The following CCDC141 variants were observed in gnomAD, a reference collection of about 807,000 sequenced individuals.
CCDC141 encodes the protein coiled-coil domain containing 141.
Under a neutral mutation model 181.0 loss-of-function variants are expected in CCDC141, and 168 were observed. The observed-to-expected ratio is 0.93, with a 90% CI of 0.82 to 1.05. The LOEUF is 1.05. Ranked by LOEUF, CCDC141 falls within the 50% of genes least tolerant of loss-of-function variation. CCDC141 has a pLI of 0.00. For synonymous variants in CCDC141, 666 were observed against 642.3 expected (o/e 1.04, Z -0.56); for missense variants, 1,902 against 1,788.5 (o/e 1.06, Z -1.14).
Position 179,050,126 on chromosome 2 carries a change from A to T in CCDC141, c.-185T>A. On this transcript the variant is annotated 5_prime_UTR_variant, in exon 1 of 24. Transcript: ENST00000443758. ...ACAACCCCATTGAGTTTATCGTGAG[A>T]GAGAAAGGAGCGAACGAGAGAGAAT... 1 of 843,682 alleles carries T rather than the reference A, an allele frequency of 1.2e-6. No homozygotes were observed. Among genetic ancestry groups the T allele is most frequent in the Non-Finnish European group, 1.7e-6 (1 of 582,074 alleles). The allele number at this position is 843,682 out of a possible 1,614,324, so 52.3% of individuals were successfully genotyped here.
At chr2:178,936,018 T>C (rs1249631557) in intron 6 of CCDC141, among the ~76,000 whole-genome samples, 4 of 152,150 alleles carry the variant, frequency 2.6e-5, no homozygotes, top group Non-Finnish European at 5.9e-5. Flanking sequence ...ATGCATAGTT[T>C]ATAAATATTT....
Position 178,888,645 on chromosome 2 carries a change from TC to T in CCDC141, c.1288del (p.Glu430ArgfsTer2), listed in dbSNP as rs1558957254. ...TCGTCTCTTAATGCACCCCATCATC[TC>T]ATGGATGCCGGACACCTGAGAGCTG... is the stretch of plus-strand genomic sequence containing the variant. ...SCSSQVSGIHEMMGCIKRRVD... is the reference protein window; with the variant it reads ...SCSSQVSGIHXMMGCIKRRVD... On this transcript the variant is annotated frameshift_variant, in exon 9 of 24. Transcript: ENST00000443758. LOFTEE classifies it high-confidence loss of function. 2 of 1,550,736 alleles carry T rather than the reference TC, an allele frequency of 1.3e-6. No individual in the cohort carries two copies. The highest frequency in any genetic ancestry group is 2.4e-5 in the South Asian group (2 of 84,050).
At chr2:179,035,105 G>A (rs1368146381) in intron 2 of CCDC141, among the ~76,000 whole-genome samples, 1 of 117,030 alleles carries the variant, frequency 8.5e-6, no homozygotes, top group Non-Finnish European at 1.9e-5. Flanking sequence ...AGATCTCTGT[G>A]TGCTGAATTA....
intron 12 of CCDC141, chr2:178,875,150 A>C (rs1471303765): frequency 6.6e-6 from 1 of 152,184 alleles, no homozygotes; most frequent in Non-Finnish European, 1.5e-5. Context: ...AGAAGAAAAC[A>C]CCATCTGCTG....
At chr2:179,022,839 G>A (rs2042726233) in intron 2 of CCDC141, among the ~76,000 whole-genome samples, 1 of 152,144 alleles carries the variant, frequency 6.6e-6, no homozygotes, top group Non-Finnish European at 1.5e-5. Context: ...AGCTAGCCAG[G>A]TGGAGCAGAG....
At chr2:178,940,686 T>G (rs565097343) in intron 6 of CCDC141, among the ~76,000 whole-genome samples, 4 of 152,320 alleles carry the variant, frequency 2.6e-5, no homozygotes, top group South Asian at 4.1e-4. Context: ...AAAGGATGCT[T>G]CTTCTTCACA....
At chr2:178,825,664 A>T (rs1684112372), downstream of CCDC141, among the ~76,000 whole-genome samples, 2 of 122,472 alleles carry the variant, frequency 1.6e-5, no homozygotes, top group African/African-American at 6.3e-5. Flanking sequence ...AAGAAAAAGC[A>T]AGTGTGACAT....
At chr2:179,018,534 G>T (rs1412597202) in intron 2 of CCDC141, among the ~76,000 whole-genome samples, 1 of 152,104 alleles carries the variant, frequency 6.6e-6, no homozygotes, top group African/African-American at 2.4e-5. Flanking sequence ...TTTTCTGAAG[G>T]ATTTTAGCTA....
chr2:178,853,414 C>G (rs779126960), intron 20 of CCDC141, 27 bp downstream of exon 20: 1 of 1,606,340 alleles, frequency 6.2e-7, no homozygotes, highest in Non-Finnish European at 8.5e-7. Context: ...AATGGCCAAT[C>G]ACTGGATATC....
chr2:178,838,179 A>G (rs753922336), intron 22 of CCDC141, among the ~76,000 whole-genome samples: 6 of 151,952 alleles, frequency 3.9e-5, no homozygotes, highest in Non-Finnish European at 8.8e-5. Flanking sequence ...GATTCCTTGG[A>G]CTCTCCCGGA....
intron 22 of CCDC141, among the ~76,000 whole-genome samples, chr2:178,844,895 A>G (rs1684871042): frequency 6.6e-6 from 1 of 152,222 alleles, no homozygotes; most frequent in Admixed American, 6.5e-5. Context: ...GGCAAAGCAA[A>G]AAGTCAAAAG....
At chr2:178,962,230 G>A (rs1414425659) in intron 4 of CCDC141, among the ~76,000 whole-genome samples, 1 of 152,128 alleles carries the variant, frequency 6.6e-6, no homozygotes, top group Non-Finnish European at 1.5e-5. Context: ...CCTAAAAATT[G>A]AAGAACTACC....
chr2:178,848,105 G>C (rs1685015700), intron 21 of CCDC141, among the ~76,000 whole-genome samples: 2 of 152,208 alleles, frequency 1.3e-5, no homozygotes, highest in African/African-American at 4.8e-5. Context: ...CAGGGAGGGA[G>C]TGATATAGCT....
At chr2:178,865,205 G>T (rs1414462187) in intron 17 of CCDC141, among the ~76,000 whole-genome samples, 1 of 152,128 alleles carries the variant, frequency 6.6e-6, no homozygotes, top group Non-Finnish European at 1.5e-5. Context: ...GAGTTGTTTT[G>T]CCAGAAAAGC....
At position 178,911,208 on chromosome 2, in the gene CCDC141, CA is replaced by C. The variant is rs1168273496; in HGVS notation, c.1093-5708del. 3.1e-4 allele frequency among the ~76,000 whole-genome samples: 47 copies of C among 152,238 alleles called. 1 individual carries two copies. Among genetic ancestry groups the C allele is most frequent in the African/African-American group, 1.1e-3 (47 of 41,532 alleles). On this transcript the variant is annotated intron_variant, in intron 7 of 23. Coordinates refer to ENST00000443758, the MANE Select transcript of CCDC141 (RefSeq NM_173648.4). The stretch of plus-strand genomic sequence containing the variant: ...TACGTGCTGGGAATGTGAAAATGAA[CA>C]AAAGCATTACATCACATTAGAGATA...
downstream of CCDC141, among the ~76,000 whole-genome samples, chr2:178,828,103 A>G (rs1684151860): frequency 1.3e-5 from 2 of 152,018 alleles, no homozygotes; most frequent in Non-Finnish European, 2.9e-5. Context: ...GACACCAGGA[A>G]ATGGATTTAG....
chr2:178,848,142 A>T (rs1685018043), intron 21 of CCDC141, among the ~76,000 whole-genome samples: 1 of 152,334 alleles, frequency 6.6e-6, no homozygotes, highest in Non-Finnish European at 1.5e-5. Context: ...AGGAGGCAGC[A>T]TTTGGGTTTG....
At chr2:178,935,495 G>A (rs1238152206) in intron 6 of CCDC141, among the ~76,000 whole-genome samples, 3 of 152,076 alleles carry the variant, frequency 2.0e-5, no homozygotes, top group Non-Finnish European at 2.9e-5. Context: ...TGGTGTATAT[G>A]TACCACATTT....
chr2:178,833,553 A>T lies in CCDC141; in HGVS notation c.*620T>A, dbSNP rs1229143966. On this transcript the variant is annotated 3_prime_UTR_variant, in exon 24 of 24. Transcript: ENST00000443758. ...AGAGCTGACAAAAGATGGAAACTCT[A>T]TTTAAAGTTGATGGCACATCTATCC... 1 of 152,592 alleles carries T rather than the reference A, an allele frequency of 6.6e-6. No individual in the cohort carries two copies. The highest frequency in any genetic ancestry group is 1.9e-4 in the East Asian group (1 of 5,198). 9.5% of individuals were successfully genotyped at this position (152,592 alleles called of 1,614,324 possible).
Sources: allele counts gnomAD v4.1 joint callset (sites outside exome capture counted in the v4.1 genomes callset), GRCh38; gene constraint gnomAD v4.1.1; transcripts MANE v1.5; gene names NCBI Gene and HGNC (gene_info 2026-07-23, HGNC 2026-07-21).